RADIL: variants seen among roughly 807,000 people sequenced by gnomAD.
RADIL encodes Rap associating with DIL domain, also known as ras-associating and dilute domain-containing protein.
In RADIL, 99 loss-of-function variants were observed where a neutral mutation model predicts 97.6. The observed-to-expected ratio is 1.01, with a 90% CI of 0.86 to 1.20. The LOEUF (loss-of-function observed/expected upper bound fraction) is 1.20. RADIL is among the 50% of genes most tolerant of loss of function. The pLI, the probability that RADIL is intolerant of heterozygous loss-of-function variation, is 0.00. For missense variants in RADIL, 1,765 were observed against 1,498.9 expected (o/e 1.18, Z -2.93); for synonymous variants, 803 against 691.8 (o/e 1.16, Z -2.52).
rs537770426 is a variant in RADIL, at chr7:4,806,125, T to C, written c.2140-409A>G. ...AAGGCAGGGACATTCATCATTTAGGTGACAGGAGGCAGGGAAAACATTTGT... is the reference window on the plus strand; with the variant it reads ...AAGGCAGGGACATTCATCATTTAGGCGACAGGAGGCAGGGAAAACATTTGT... On this transcript the variant is annotated intron_variant, in intron 9 of 14. Coordinates refer to ENST00000399583, the MANE Select transcript of RADIL (RefSeq NM_018059.5). 6 of 875,224 alleles carry C rather than the reference T, an allele frequency of 6.9e-6. No homozygotes were observed. In the South Asian group the frequency reaches 2.1e-4, roughly 31 times the overall value. 54.2% of individuals were successfully genotyped at this position (875,224 alleles called of 1,614,324 possible). A position where few individuals can be genotyped will look rare whatever the true frequency, so the allele number is the denominator to read the frequency against.
rs958789754 is a variant in RADIL, at chr7:4,798,177, T to G, written c.*1201A>C. The G allele has an allele frequency of 5.3e-5, 8 of 151,362 alleles. No individual in the cohort carries two copies. Among genetic ancestry groups the G allele is most frequent in the Non-Finnish European group, 1.0e-4 (7 of 67,890 alleles). 9.4% of individuals were successfully genotyped at this position (151,362 alleles called of 1,614,324 possible). ...TATTTTATCCAGTATTTTGGGAACCTGGCAGTGGTCGCCGTTTCGAGCCAG... is the reference window on the plus strand; with the variant it reads ...TATTTTATCCAGTATTTTGGGAACCGGGCAGTGGTCGCCGTTTCGAGCCAG... On this transcript the variant is annotated 3_prime_UTR_variant, in exon 15 of 15. Transcript: ENST00000399583.
chr7:4,877,543 C>A (rs562293966), intron 2 of RADIL, 62 bp downstream of exon 2: 1 of 1,522,348 alleles, frequency 6.6e-7, no homozygotes, highest in South Asian at 1.3e-5. Context: ...TCTCCGCCTA[C>A]CTCGGCTGGC....
At position 4,877,552 on chromosome 7, in the gene RADIL, G is replaced by T. The variant is rs560080509; in HGVS notation, c.535+53C>A. 3 of 1,531,762 alleles carry T rather than the reference G, an allele frequency of 2.0e-6. No individual in the cohort carries two copies. The African/African-American group carries it at 4.2e-5, about 21-fold the overall frequency. The allele number at this position is 1,531,762 out of a possible 1,614,324, so 94.9% of individuals were successfully genotyped here. ...ACTCCTTCTCCGCCTACCTCGGCTG[G>T]CCTTCTCAGCGCTCAGACCCACGGC... On this transcript the variant is annotated intron_variant, in intron 2 of 14. Coordinates refer to ENST00000399583, the MANE Select transcript of RADIL (RefSeq NM_018059.5).
Position 4,821,757 on chromosome 7 carries a change from G to A in RADIL, c.1615+637C>T, listed in dbSNP as rs1223039580. Reference sequence around the variant, plus strand: ...TGTAATCCCAGGTACTCGGGAGGCTGAGGCACGAGAATCGCTTGAACCTGG... The same window carrying A: ...TGTAATCCCAGGTACTCGGGAGGCTAAGGCACGAGAATCGCTTGAACCTGG... On this transcript the variant is annotated intron_variant, in intron 6 of 14. Coordinates refer to ENST00000399583, the MANE Select transcript of RADIL (RefSeq NM_018059.5). This position sits in a 1 kb window ranked among gnomAD's most constrained non-coding sequence, Gnocchi z 5.2. Among the ~76,000 whole-genome samples, 5 of 152,146 alleles carry A rather than the reference G, an allele frequency of 3.3e-5. No individual in the cohort carries two copies.
chr7:4,806,732 T>G (rs1353084186), intron 9 of RADIL, among the ~76,000 whole-genome samples: 1 of 152,236 alleles, frequency 6.6e-6, no homozygotes. Flanking sequence ...GGAAACCCAC[T>G]GCCCTGCGTG....
At position 4,799,622 on chromosome 7, in the gene RADIL, G is replaced by A; in HGVS notation, c.3122+8C>T. On this transcript the variant is annotated splice_region_variant and intron_variant, in intron 14 of 14. Coordinates refer to ENST00000399583, the MANE Select transcript of RADIL (RefSeq NM_018059.5). ...AGAAGGGGCCGGGCGTGCATGCGGT[G>A]GGGGTACCTCAGGTAGCCAAGGCCC... 2.5e-6 allele frequency: 4 copies of A among 1,605,158 alleles called. No homozygotes were observed. The highest frequency in any genetic ancestry group is 1.7e-5 in the Admixed American group (1 of 59,206).
chr7:4,801,459 G>A (rs1047346182), intron 12 of RADIL, among the ~76,000 whole-genome samples, 194 bp downstream of exon 12: 7 of 152,200 alleles, frequency 4.6e-5, no homozygotes, highest in Non-Finnish European at 8.8e-5. Flanking sequence ...GCGACTGAGC[G>A]ACCGTGTGGC....
chr7:4,806,979 G>A (rs1279584106), intron 9 of RADIL, among the ~76,000 whole-genome samples: 1 of 152,166 alleles, frequency 6.6e-6, no homozygotes, highest in Non-Finnish European at 1.5e-5. Flanking sequence ...GAGTTTTGCT[G>A]TAAGCCCACT....
At chr7:4,825,679 C>T (rs1158679790) in intron 5 of RADIL, among the ~76,000 whole-genome samples, 1 of 150,778 alleles carries the variant, frequency 6.6e-6, no homozygotes, top group Non-Finnish European at 1.5e-5. Context: ...AGTTCAAGAC[C>T]AGCCTGACCA....
Position 4,877,638 on chromosome 7 carries a change from G to C in RADIL, c.502C>G (p.Leu168Val). The C allele has an allele frequency of 1.2e-6, 2 of 1,609,648 alleles. No homozygotes were observed. The highest frequency in any genetic ancestry group is 1.7e-6 in the Non-Finnish European group (2 of 1,177,962). ...ATGGTGTCCACCTCCTTGGCTGCCA[G>C]CTCCTCCACGTCCGACCTCTTCCTC... ...ELRKRSDVEE[L>V]AAKEVDTITA... is the part of the protein sequence containing the mutation. Residue 168 changes from leucine (L) to valine (V), a missense_variant, in exon 2 of 15, where the codon CTG becomes GTG. Coordinates refer to ENST00000399583, the MANE Select transcript of RADIL (RefSeq NM_018059.5).
At chr7:4,832,221 G>A in intron 4 of RADIL, 43 bp from the exon 5 acceptor site, 1 of 1,583,470 alleles carries the variant, frequency 6.3e-7, no homozygotes. Flanking sequence ...AGCAAAACAG[G>A]CTAACACAGG....
At chr7:4,825,421 G>A (rs1262405190) in intron 5 of RADIL, among the ~76,000 whole-genome samples, 4 of 152,196 alleles carry the variant, frequency 2.6e-5, no homozygotes, top group East Asian at 1.9e-4. Context: ...TGCCTGTCGC[G>A]TCCATCAGGA....
intron 4 of RADIL, among the ~76,000 whole-genome samples, chr7:4,832,749 A>G (rs1156316351): frequency 2.0e-5 from 3 of 150,740 alleles, no homozygotes; most frequent in Non-Finnish European, 4.4e-5. Flanking sequence ...AGCAAAAAAA[A>G]AAAAAAAAAA....
chr7:4,836,589 G>C lies in RADIL; in HGVS notation c.552C>G (p.Ala184=), dbSNP rs1213237489. ...TCGCGCGACTCCGCTGCAGCCTCCG[G>C]GCCTGGGCGTTTATCCCTGGAACAG... ...DTITAGINAQ[A]RRLQRSRAKG... is the part of the protein sequence containing the mutation. Residue 184 remains alanine, a synonymous_variant, in exon 3 of 15, where the codon GCC becomes GCG. Coordinates refer to ENST00000399583, the MANE Select transcript of RADIL (RefSeq NM_018059.5). 5.6e-6 allele frequency: 9 copies of C among 1,607,434 alleles called. No homozygotes were observed. In the Admixed American group the frequency reaches 1.3e-4, roughly 24 times the overall value.
Position 4,817,293 on chromosome 7 carries a change from C to T in RADIL, c.1674G>A (p.Val558=). Residue 558 remains valine (V), a synonymous_variant, in exon 7 of 15, where the codon GTG becomes GTA. Transcript: ENST00000399583. This position sits in a 1 kb window ranked among gnomAD's most constrained non-coding sequence, Gnocchi z 8.3. ...AGGCGTACAGCACCACCTCCTCCAGCACCGCCATGGCCTCCTCGCTGGCCG... is the reference window on the plus strand; with the variant it reads ...AGGCGTACAGCACCACCTCCTCCAGTACCGCCATGGCCTCCTCGCTGGCCG... ...TLTASEEAMA[V]LEEVVLYAFQ... is the part of the protein sequence containing the mutation. 1 of 1,612,748 alleles carries T rather than the reference C, an allele frequency of 6.2e-7. No homozygotes were observed. The highest frequency in any genetic ancestry group is 8.5e-7 in the Non-Finnish European group (1 of 1,179,794).
Position 4,803,548 on chromosome 7 carries a change from C to T in RADIL, c.2497G>A (p.Glu833Lys), listed in dbSNP as rs904894961. 118 of 1,539,452 alleles carry T rather than the reference C, an allele frequency of 7.7e-5. No individual in the cohort carries two copies. The highest frequency in any genetic ancestry group is 2.3e-4 in the Middle Eastern group (1 of 4,374). The change falls in exon 11 of 15, where the codon GAG becomes AAG. Residue 833 changes from glutamate (E) to lysine (K), a missense_variant and splice_region_variant. Glu to Lys is a moderately conservative substitution (Grantham distance 56). Transcript: ENST00000399583. ...TGGGGGGCCCCCTCCCCGGGTACCT[C>T]GGGGCACACTGGCTGGGAGGCCCCA... ...GSGASQPVCP[E>K]GMHHVVLDGH...
intron 2 of RADIL, among the ~76,000 whole-genome samples, chr7:4,843,556 T>C (rs1783497763): frequency 6.6e-6 from 1 of 152,206 alleles, no homozygotes; most frequent in Non-Finnish European, 1.5e-5. Context: ...AGCATTTCTC[T>C]ATGCCATGGC....
In RADIL at chr7:4,835,262, G is replaced by A. The variant is rs909718339; in HGVS notation, c.784-23C>T. On this transcript the variant is annotated intron_variant, in intron 3 of 14. Coordinates refer to ENST00000399583, the MANE Select transcript of RADIL (RefSeq NM_018059.5). This position sits in a 1 kb window ranked among gnomAD's most constrained non-coding sequence, Gnocchi z 5.8. The stretch of plus-strand genomic sequence containing the variant: ...GTCCTGAAACAGAGACTCCGCTCAG[G>A]GCAGGCGTAACGCGAGCAGCACACG... 1 of 1,603,382 alleles carries A rather than the reference G, an allele frequency of 6.2e-7. No homozygotes were observed. The highest frequency in any genetic ancestry group is 8.5e-7 in the Non-Finnish European group (1 of 1,179,236).
rs1782674108 is a variant in RADIL at position 4,816,208 on chromosome 7, A to C, written c.1966+20T>G. ...AGGAATGTGAGCCCCCGACCCCTCAACCCTGCACGAGGCCCTCACCCCTGT... is the reference window on the plus strand; with the variant it reads ...AGGAATGTGAGCCCCCGACCCCTCACCCCTGCACGAGGCCCTCACCCCTGT... On this transcript the variant is annotated intron_variant, in intron 8 of 14. Transcript: ENST00000399583. 6.3e-7 allele frequency: 1 copy of C among 1,599,742 alleles called. No homozygotes were observed.
Sources: allele counts gnomAD v4.1 joint callset (sites outside exome capture counted in the v4.1 genomes callset), GRCh38; gene constraint gnomAD v4.1.1; non-coding constraint Gnocchi (gnomAD v3.1); transcripts MANE v1.5; gene names NCBI Gene and HGNC (gene_info 2026-07-23, HGNC 2026-07-21).